GULP1: variants seen among roughly 807,000 people sequenced by gnomAD.
The protein encoded by GULP1 is PTB domain-containing engulfment adapter protein 1.
A neutral mutation model predicts 40.9 loss-of-function variants in GULP1; 19 were observed. That is an observed-to-expected ratio of 0.46 (90% CI 0.32 to 0.68). The LOEUF (loss-of-function observed/expected upper bound fraction) is 0.68, where lower values mean the gene tolerates loss of function less well. Ranked by LOEUF, GULP1 falls within the 30% of genes least tolerant of loss-of-function variation. The pLI is 0.03. For missense variants in GULP1, 312 were observed against 362.2 expected (o/e 0.86, Z 1.12); for synonymous variants, 119 against 117.6 (o/e 1.01, Z -0.08).
At chr2:188,331,467 C>A (rs1193151257) in intron 1 of GULP1, among the ~76,000 whole-genome samples, 1 of 152,168 alleles carries the variant, frequency 6.6e-6, no homozygotes. Flanking sequence ...ATTTACTATA[C>A]ATAAGAATCA....
intron 4 of GULP1, among the ~76,000 whole-genome samples, chr2:188,489,498 AT>A (rs1347398917): frequency 6.6e-6 from 1 of 152,036 alleles, no homozygotes; most frequent in African/African-American, 2.4e-5. Flanking sequence ...ATTTTATTAG[AT>A]TTTAGAACTG....
intron 11 of GULP1, chr2:188,589,824 C>A: frequency 6.0e-6 from 4 of 666,988 alleles, no homozygotes; most frequent in East Asian, 3.1e-5. Flanking sequence ...AATTTGCATG[C>A]CTTATTTAAT....
At chr2:188,293,495 G>C (rs1445789214) in intron 1 of GULP1, among the ~76,000 whole-genome samples, 1 of 152,218 alleles carries the variant, frequency 6.6e-6, no homozygotes, top group Non-Finnish European at 1.5e-5. Flanking sequence ...AGGTGCTAAA[G>C]TAAGGGAGAT....
intron 1 of GULP1, among the ~76,000 whole-genome samples, chr2:188,372,641 T>G (rs2047747994): frequency 6.6e-6 from 1 of 152,046 alleles, no homozygotes; most frequent in Admixed American, 6.6e-5. Flanking sequence ...CTCTGTAGAT[T>G]ATTTTGACCT....
chr2:188,553,255 T>C (rs1305249780), intron 7 of GULP1, among the ~76,000 whole-genome samples: 1 of 151,998 alleles, frequency 6.6e-6, no homozygotes, highest in African/African-American at 2.4e-5. Flanking sequence ...TCTTGTCTTG[T>C]TCCAGTTCGT....
intron 1 of GULP1, among the ~76,000 whole-genome samples, chr2:188,347,881 GCCCT>G: frequency 6.6e-6 from 1 of 152,130 alleles, no homozygotes; most frequent in Non-Finnish European, 1.5e-5. Context: ...GACTTTAAAA[GCCCT>G]GGGATTCCAG....
intron 2 of GULP1, among the ~76,000 whole-genome samples, chr2:188,428,532 T>A (rs1204556906): frequency 6.6e-6 from 1 of 152,180 alleles, no homozygotes; most frequent in Non-Finnish European, 1.5e-5. Context: ...AGTGCTGTTA[T>A]CATGATAGAT....
chr2:188,559,503 A>G (rs1415300329), intron 7 of GULP1, among the ~76,000 whole-genome samples: 1 of 152,184 alleles, frequency 6.6e-6, no homozygotes, highest in Non-Finnish European at 1.5e-5. Flanking sequence ...CAGAGCCCCC[A>G]TACAGAGTCC....
intron 11 of GULP1, chr2:188,590,294 A>G (rs1289758858): frequency 6.6e-6 from 1 of 152,086 alleles, no homozygotes; most frequent in Non-Finnish European, 1.5e-5. Flanking sequence ...CTTTTAGTCC[A>G]ATATTTACTT....
At chr2:188,358,549 C>A (rs1022972536) in intron 1 of GULP1, among the ~76,000 whole-genome samples, 1 of 151,946 alleles carries the variant, frequency 6.6e-6, no homozygotes, top group Non-Finnish European at 1.5e-5. Context: ...TGCTAATTAC[C>A]CTGATTTGAT....
At chr2:188,572,849 G>A (rs1699358263) in intron 9 of GULP1, among the ~76,000 whole-genome samples, 1 of 152,118 alleles carries the variant, frequency 6.6e-6, no homozygotes, top group Non-Finnish European at 1.5e-5. Flanking sequence ...GTTGCTGGGG[G>A]CTGGGGCAGA....
chr2:188,296,934 C>G (rs1574186682), intron 1 of GULP1, among the ~76,000 whole-genome samples: 1 of 151,572 alleles, frequency 6.6e-6, no homozygotes, highest in African/African-American at 2.4e-5. Context: ...CTGTCGTTCT[C>G]TCTCTCTTTG....
intron 5 of GULP1, among the ~76,000 whole-genome samples, chr2:188,527,720 C>A (rs1232720304): frequency 1.3e-5 from 2 of 152,048 alleles, no homozygotes; most frequent in African/African-American, 2.4e-5. Context: ...ACAAATGGTA[C>A]CCCCTGGGAT....
intron 4 of GULP1, among the ~76,000 whole-genome samples, chr2:188,509,376 C>G (rs1004763403): frequency 5.3e-5 from 8 of 152,132 alleles, no homozygotes. Flanking sequence ...TCATAGCACA[C>G]TAATGACAGT....
At chr2:188,564,842 T>C (rs1233654698) in intron 7 of GULP1, among the ~76,000 whole-genome samples, 2 of 152,020 alleles carry the variant, frequency 1.3e-5, no homozygotes, top group Admixed American at 1.3e-4. Context: ...GTCAGGGTGA[T>C]ATTAATGTAA....
intron 7 of GULP1, among the ~76,000 whole-genome samples, chr2:188,557,767 A>C (rs75640457): frequency 0.021 from 3,197 of 152,292 alleles, 104 homozygotes; most frequent in African/African-American, 0.073. Flanking sequence ...CCAATCTTGC[A>C]GCAAGGCTCG....
chr2:188,358,338 G>T (rs932289772), intron 1 of GULP1, among the ~76,000 whole-genome samples: 5 of 152,144 alleles, frequency 3.3e-5, no homozygotes, highest in Non-Finnish European at 7.4e-5. Context: ...GACTGGAAAG[G>T]GTAGATGGGA....
intron 4 of GULP1, among the ~76,000 whole-genome samples, chr2:188,499,666 G>T (rs985209878): frequency 6.6e-6 from 1 of 151,728 alleles, no homozygotes; most frequent in Admixed American, 6.6e-5. Flanking sequence ...GGTCTTCTAT[G>T]CAGGTAATGT....
At chr2:188,346,384 TTAAGTG>T (rs1329507728) in intron 1 of GULP1, among the ~76,000 whole-genome samples, 50 of 152,350 alleles carry the variant, frequency 3.3e-4, no homozygotes, top group Admixed American at 2.1e-3. Context: ...GCTTCTAGAC[TTAAGTG>T]TAAACAAATT....
Sources: allele counts gnomAD v4.1 joint callset (sites outside exome capture counted in the v4.1 genomes callset), GRCh38; gene constraint gnomAD v4.1.1; transcripts MANE v1.5; gene names NCBI Gene and HGNC (gene_info 2026-07-23, HGNC 2026-07-21).